The following ZNF365 variants were observed in gnomAD, a reference collection of about 807,000 sequenced individuals.
ZNF365 encodes the protein protein ZNF365.
Under a neutral mutation model 35.0 loss-of-function variants are expected in ZNF365, and 22 were observed. That is an observed-to-expected ratio of 0.63 (90% confidence interval 0.45 to 0.90). The LOEUF (loss-of-function observed/expected upper bound fraction) is 0.90. Ranked by LOEUF, ZNF365 falls within the 40% of genes least tolerant of loss-of-function variation. ZNF365 has a pLI of 0.00. For synonymous variants in ZNF365, 188 were observed against 196.2 expected, an observed-to-expected ratio of 0.96 and a Z score of 0.35; for missense variants, 448 against 500.3, an observed-to-expected ratio of 0.90 and a Z score of 1.00.
Position 62,472,412 on chromosome 10 carries a change from T to C in ZNF365, c.982-7464T>C, listed in dbSNP as rs12257913. On this transcript the variant is annotated intron_variant, in intron 4 of 4. Transcript: ENST00000395255. Reference sequence around the variant, plus strand: ...ATGGCATCTTTGCAGAAGTAATCCATTTAAAATGAGGTCATTAGAGTAGAC... The same window carrying C: ...ATGGCATCTTTGCAGAAGTAATCCACTTAAAATGAGGTCATTAGAGTAGAC... Among the ~76,000 whole-genome samples, 674 of 152,300 alleles carry C rather than the reference T, an allele frequency of 4.4e-3. 6 individuals carry two copies. Among genetic ancestry groups the C allele is most frequent in the African/African-American group, 0.014 (587 of 41,558 alleles).
At position 62,381,357 on chromosome 10, in the gene ZNF365, G is replaced by C. The variant is rs1396628349; in HGVS notation, c.743+4421G>C. On this transcript the variant is annotated intron_variant, in intron 2 of 4. Coordinates refer to ENST00000395254, the MANE Select transcript of ZNF365 (RefSeq NM_014951.3). ...TTATACATGCAGAAAATAAGGCCTAGAGCAGGGGAATGACTTGCCCAAGGA... is the reference window on the plus strand; with the variant it reads ...TTATACATGCAGAAAATAAGGCCTACAGCAGGGGAATGACTTGCCCAAGGA... 4.6e-5 allele frequency among the ~76,000 whole-genome samples: 7 copies of C among 152,288 alleles called. No homozygotes were observed. In the East Asian group the frequency reaches 1.4e-3, roughly 29 times the overall value.
Position 62,415,117 on chromosome 10 carries a change from C to A in ZNF365, c.924+26541C>A, listed in dbSNP as rs185055619. Among the ~76,000 whole-genome samples the A allele has an allele frequency of 5.5e-4, 83 of 152,152 alleles. 1 individual carries two copies. The highest frequency in any genetic ancestry group is 1.9e-3 in the African/African-American group (80 of 41,524). On this transcript the variant is annotated intron_variant, in intron 3 of 4. Coordinates refer to the ZNF365 transcript ENST00000395255. The stretch of plus-strand genomic sequence containing the variant: ...TGAACATATTAATTACAGTAAAAGT[C>A]TTTGCTAATTCCAATATCTAGGTTA...
chr10:62,446,602 A>AT (rs36100145), intron 3 of ZNF365, among the ~76,000 whole-genome samples: 48 of 151,808 alleles, frequency 3.2e-4, no homozygotes, highest in Admixed American at 1.2e-3. Flanking sequence ...GCTTCCAGGG[A>AT]TTTTTTTTCT....
At chr10:62,456,805 A>G (rs1251679864) in intron 3 of ZNF365, among the ~76,000 whole-genome samples, 2 of 151,974 alleles carry the variant, frequency 1.3e-5, no homozygotes, top group African/African-American at 2.4e-5. Flanking sequence ...CTGTGACCAC[A>G]ATGATGCTCA....
chr10:62,442,912 C>G (rs1359530655), intron 3 of ZNF365, among the ~76,000 whole-genome samples: 1 of 152,210 alleles, frequency 6.6e-6, no homozygotes, highest in Non-Finnish European at 1.5e-5. Context: ...CCACTCCTGA[C>G]CAAGTTCTAG....
intron 3 of ZNF365, among the ~76,000 whole-genome samples, chr10:62,428,438 G>A (rs976516068): frequency 2.0e-5 from 3 of 152,078 alleles, no homozygotes; most frequent in African/African-American, 7.2e-5. Context: ...GTTTTATAAG[G>A]GGCCTCCCCC....
At chr10:62,460,554 C>A (rs945183563) in intron 4 of ZNF365, among the ~76,000 whole-genome samples, 5 of 152,158 alleles carry the variant, frequency 3.3e-5, no homozygotes, top group African/African-American at 1.2e-4. Flanking sequence ...TATTTTTGGG[C>A]CATGGTTGAC....
chr10:62,470,308 T>A (rs1416012669), intron 4 of ZNF365, among the ~76,000 whole-genome samples: 1 of 152,214 alleles, frequency 6.6e-6, no homozygotes, highest in Non-Finnish European at 1.5e-5. Context: ...CTCACAGTTG[T>A]CCCCATTGAG....
chr10:62,429,740 G>A (rs1840306183), intron 3 of ZNF365, among the ~76,000 whole-genome samples: 1 of 152,106 alleles, frequency 6.6e-6, no homozygotes, highest in East Asian at 1.9e-4. Flanking sequence ...TTTTCCTTCT[G>A]ATAGGTATTG....
chr10:62,376,954 G>A lies in ZNF365; in HGVS notation c.743+18G>A. 6.6e-7 allele frequency: 1 copy of A among 1,522,898 alleles called. No individual in the cohort carries two copies. Among genetic ancestry groups the A allele is most frequent in the Non-Finnish European group, 8.8e-7 (1 of 1,139,420 alleles). The allele number at this position is 1,522,898 out of a possible 1,614,324, so 94.3% of individuals were successfully genotyped here. ...AAAGAAGAGTAAGTGTTGCTGACAG[G>A]GGATGCTAACCCCATTGCTTTAAGC... On this transcript the variant is annotated intron_variant, in intron 2 of 4. Coordinates refer to ENST00000395254, the MANE Select transcript of ZNF365 (RefSeq NM_014951.3).
chr10:62,471,408 TG>T (rs1841036308), intron 4 of ZNF365, among the ~76,000 whole-genome samples: 1 of 151,468 alleles, frequency 6.6e-6, no homozygotes, highest in Admixed American at 6.6e-5. Context: ...TTTCTCATAA[TG>T]ATTTGAAATA....
intron 3 of ZNF365, among the ~76,000 whole-genome samples, chr10:62,428,083 T>C (rs1840276932): frequency 6.6e-6 from 1 of 152,178 alleles, no homozygotes; most frequent in South Asian, 2.1e-4. Context: ...CTTGCTATAG[T>C]GTTGATCCTA....
intron 3 of ZNF365, among the ~76,000 whole-genome samples, chr10:62,441,869 A>G (rs767494052): frequency 6.6e-6 from 1 of 152,234 alleles, no homozygotes; most frequent in Non-Finnish European, 1.5e-5. Context: ...AAGGCCACAT[A>G]ACAGCAAATA....
chr10:62,477,433 T>A (rs1460854386), intron 4 of ZNF365, among the ~76,000 whole-genome samples: 1 of 152,194 alleles, frequency 6.6e-6, no homozygotes, highest in African/African-American at 2.4e-5. Flanking sequence ...AACAAATGTA[T>A]CAAGATTTTG....
chr10:62,471,674 G>C (rs919845851), intron 4 of ZNF365, among the ~76,000 whole-genome samples: 2 of 151,992 alleles, frequency 1.3e-5, no homozygotes, highest in Non-Finnish European at 2.9e-5. Context: ...TATATTCTTG[G>C]CATGGATGTA....
At chr10:62,397,133 C>T (rs547630918) in intron 3 of ZNF365, among the ~76,000 whole-genome samples, 6 of 152,230 alleles carry the variant, frequency 3.9e-5, no homozygotes, top group Non-Finnish European at 8.8e-5. Context: ...CATGTGATAA[C>T]GGTGCCTTTT....
chr10:62,470,412 C>T (rs2132489567), intron 4 of ZNF365, among the ~76,000 whole-genome samples: 1 of 152,340 alleles, frequency 6.6e-6, no homozygotes, highest in Non-Finnish European at 1.5e-5. Flanking sequence ...TGATTTAGCA[C>T]ACTTCCTTAT....
At chr10:62,458,123 TG>T in intron 3 of ZNF365, among the ~76,000 whole-genome samples, 1 of 152,340 alleles carries the variant, frequency 6.6e-6, no homozygotes, top group South Asian at 2.1e-4. Context: ...AACCATTCTC[TG>T]GTCAACCTTC....
In ZNF365 at chr10:62,459,758, C is replaced by T. The variant is rs1156349778; in HGVS notation, c.942C>T (p.Gly314=). Residue 314 remains glycine, a synonymous_variant, in exon 4 of 5, where the codon GGC becomes GGT. Transcript: ENST00000395255. ...CCTTTCAGAGCTGGAAAGGTGCTGGCGAAGCTCGCCTGGTGTGCCAAAATG... is the reference window on the plus strand; with the variant it reads ...CCTTTCAGAGCTGGAAAGGTGCTGGTGAAGCTCGCCTGGTGTGCCAAAATG... The T allele has an allele frequency of 6.2e-6, 10 of 1,610,448 alleles. No individual in the cohort carries two copies. In the East Asian group the frequency reaches 8.9e-5, roughly 14 times the overall value.
Sources: gnomAD v4.1 joint callset for allele counts (sites outside exome capture counted in the v4.1 genomes callset) on GRCh38, gnomAD v4.1.1 for gene constraint, MANE v1.5 for transcripts, NCBI Gene and HGNC (gene_info 2026-07-23, HGNC 2026-07-21) for gene names.